The following SEC22C variants were observed in gnomAD, a reference collection of about 807,000 sequenced individuals.
The protein encoded by SEC22C is SEC22 homolog C, vesicle trafficking protein, also known as vesicle-trafficking protein SEC22c.
A neutral mutation model predicts 34.7 loss-of-function variants in SEC22C; 29 were observed. The observed-to-expected ratio is 0.84, with a 90% CI of 0.62 to 1.14. The LOEUF (loss-of-function observed/expected upper bound fraction) is 1.14, where lower values mean the gene tolerates loss of function less well. Ranked by LOEUF, SEC22C falls within the 50% of genes most tolerant of loss-of-function variation. SEC22C has a pLI of 0.00. For synonymous variants in SEC22C, 117 were observed against 132.8 expected (o/e 0.88, Z 0.82); for missense variants, 337 against 369.0 (o/e 0.91, Z 0.71).
At chr3:42,569,679 C>A (rs1179663806) in intron 1 of SEC22C, among the ~76,000 whole-genome samples, 1 of 152,230 alleles carries the variant, frequency 6.6e-6, no homozygotes, top group Non-Finnish European at 1.5e-5. Flanking sequence ...ATGTTTGATA[C>A]AGAGTCAGTC....
rs1702320417 is a variant in SEC22C at position 42,552,995 on chromosome 3, C to G, written c.*253G>C. On this transcript the variant is annotated 3_prime_UTR_variant, in exon 7 of 7. Transcript: ENST00000264454. ...ATAAAGCTCTTTCTGGATGAGCCCC[C>G]AGATCCAGCTGTCCTAGGTAAACGT... 7.7e-7 allele frequency: 1 copy of G among 1,291,478 alleles called. No homozygotes were observed. Among genetic ancestry groups the G allele is most frequent in the African/African-American group, 1.5e-5 (1 of 65,942 alleles). The allele number at this position is 1,291,478 out of a possible 1,614,324, so 80.0% of individuals were successfully genotyped here. A position where few individuals can be genotyped will look rare whatever the true frequency, so the allele number is the denominator to read the frequency against.
chr3:42,583,919 A>G (rs1704520459), upstream of SEC22C, among the ~76,000 whole-genome samples: 1 of 152,244 alleles, frequency 6.6e-6, no homozygotes, highest in East Asian at 1.9e-4. Context: ...GTGGTTCCCC[A>G]GGTTCTCCCG....
rs372697250 is a variant in SEC22C, at chr3:42,592,175, C to T, written c.-28+8785G>A. On this transcript the variant is annotated intron_variant, in intron 1 of 6. Transcript: ENST00000417572. ...TCTGAGTCTCTTTTCCGAATCTAGT[C>T]CAGGTATTACGCCCATTTTTTTCTT... Among the ~76,000 whole-genome samples, 21 of 152,046 alleles carry T rather than the reference C, an allele frequency of 1.4e-4. 1 individual carries two copies. The highest frequency in any genetic ancestry group is 1.2e-3 in the Admixed American group (18 of 15,268).
Position 42,551,233 on chromosome 3 carries a change from C to A in SEC22C, c.*2015G>T. ...TCACCATCTCTTCAAAATTGTCTCC[C>A]AGAAAAACTGAAAATTCACCTGCTG... On this transcript the variant is annotated 3_prime_UTR_variant, in exon 7 of 7. Coordinates refer to ENST00000264454, the MANE Select transcript of SEC22C (RefSeq NM_032970.4). The A allele has an allele frequency of 1.0e-6, 1 of 985,358 alleles. No homozygotes were observed. Among genetic ancestry groups the A allele is most frequent in the Non-Finnish European group, 1.2e-6 (1 of 829,916 alleles). The allele number at this position is 985,358 out of a possible 1,614,324, so 61.0% of individuals were successfully genotyped here. A position where few individuals can be genotyped will look rare whatever the true frequency, so the allele number is the denominator to read the frequency against.
At position 42,549,140 on chromosome 3, in the gene SEC22C, T is replaced by C; in HGVS notation, c.*4108A>G. The C allele has an allele frequency of 1.0e-6, 1 of 991,600 alleles. No homozygotes were observed. Among genetic ancestry groups the C allele is most frequent in the Non-Finnish European group, 1.2e-6 (1 of 833,230 alleles). 61.4% of individuals were successfully genotyped at this position (991,600 alleles called of 1,614,324 possible). ...AGCTACACTCTTTCTCCACCATTATTAACACTCACAGGGCACAGGTAGAGC... is the reference window on the plus strand; with the variant it reads ...AGCTACACTCTTTCTCCACCATTATCAACACTCACAGGGCACAGGTAGAGC... On this transcript the variant is annotated 3_prime_UTR_variant, in exon 7 of 7. Transcript: ENST00000264454.
Position 42,548,011 on chromosome 3 carries a change from CTCATT to C in SEC22C, c.*5232_*5236del, listed in dbSNP as rs1487779493. 6.6e-6 allele frequency: 1 copy of C among 152,266 alleles called. No individual in the cohort carries two copies. Among genetic ancestry groups the C allele is most frequent in the East Asian group, 1.9e-4 (1 of 5,202 alleles). The allele number at this position is 152,266 out of a possible 1,614,324, so 9.4% of individuals were successfully genotyped here. ...TTTATTCTGCCATTTCTGAAGCCAC[CTCATT>C]TAATTTATACATAGGATATAAATGG... On this transcript the variant is annotated 3_prime_UTR_variant, in exon 7 of 7. Coordinates refer to ENST00000264454, the MANE Select transcript of SEC22C (RefSeq NM_032970.4).
chr3:42,548,357 TC>T lies in SEC22C; in HGVS notation c.*4890del, dbSNP rs1702088592. On this transcript the variant is annotated 3_prime_UTR_variant, in exon 7 of 7. Coordinates refer to ENST00000264454, the MANE Select transcript of SEC22C (RefSeq NM_032970.4). Reference sequence around the variant, plus strand: ...ATCATATAAATGTAAGGGTTAAAGGTCATATGTACTAAGCATGGGTCAGAGG... The same window carrying T: ...ATCATATAAATGTAAGGGTTAAAGGTATATGTACTAAGCATGGGTCAGAGG... The T allele has an allele frequency of 1.2e-5, 6 of 516,146 alleles. No individual in the cohort carries two copies. The highest frequency in any genetic ancestry group is 9.3e-5 in the Admixed American group (3 of 32,108). 32.0% of individuals were successfully genotyped at this position (516,146 alleles called of 1,614,324 possible).
chr3:42,595,994 T>A (rs1705016150), intron 1 of SEC22C, among the ~76,000 whole-genome samples: 1 of 152,130 alleles, frequency 6.6e-6, no homozygotes, highest in South Asian at 2.1e-4. Flanking sequence ...TTCTTTTTTC[T>A]TTTTCTTCTT....
chr3:42,562,609 C>T (rs1702990713), intron 3 of SEC22C, among the ~76,000 whole-genome samples: 1 of 152,170 alleles, frequency 6.6e-6, no homozygotes, highest in Non-Finnish European at 1.5e-5. Flanking sequence ...GCTGGTTCTG[C>T]CCCCTGACCA....
intron 1 of SEC22C, chr3:42,600,926 CT>C (rs1024130190): frequency 2.3e-5 from 26 of 1,125,612 alleles, no homozygotes; most frequent in East Asian, 2.2e-4. Context: ...GCCCTCGCCC[CT>C]GCCCTCGCCC....
intron 1 of SEC22C, 24 bp downstream of exon 1, chr3:42,581,822 C>G (rs1279918267): frequency 6.6e-6 from 1 of 152,418 alleles, no homozygotes; most frequent in Non-Finnish European, 1.5e-5. Flanking sequence ...GCCGCGGCAC[C>G]CGCCTCCGCC....
intron 5 of SEC22C, among the ~76,000 whole-genome samples, chr3:42,556,958 T>G (rs558518599): frequency 2.0e-5 from 3 of 152,130 alleles, no homozygotes; most frequent in African/African-American, 7.2e-5. Context: ...CCTGACCTCA[T>G]GTGATCCACC....
chr3:42,552,487 A>T lies in SEC22C; in HGVS notation c.*761T>A, dbSNP rs375092121. On this transcript the variant is annotated 3_prime_UTR_variant, in exon 7 of 7. Coordinates refer to ENST00000264454, the MANE Select transcript of SEC22C (RefSeq NM_032970.4). Reference sequence around the variant, plus strand: ...TTCTGCTCATGCTGACAAACTTATCATCTAGAAGTACTGGTTATTCAATTA... The same window carrying T: ...TTCTGCTCATGCTGACAAACTTATCTTCTAGAAGTACTGGTTATTCAATTA... The T allele has an allele frequency of 5.7e-5, 56 of 983,956 alleles. 1 individual carries two copies. In the African/African-American group the frequency reaches 9.2e-4, roughly 16 times the overall value. The allele number at this position is 983,956 out of a possible 1,614,324, so 61.0% of individuals were successfully genotyped here. A position where few individuals can be genotyped will look rare whatever the true frequency, so the allele number is the denominator to read the frequency against.
intron 1 of SEC22C, among the ~76,000 whole-genome samples, chr3:42,580,109 ATC>A (rs1704226285): frequency 6.6e-6 from 1 of 152,196 alleles, no homozygotes; most frequent in Non-Finnish European, 1.5e-5. Flanking sequence ...GTCATAGATT[ATC>A]TCTGTTCTAT....
At chr3:42,561,331 C>T (rs1025242103) in intron 3 of SEC22C, 35 bp from the exon 4 acceptor site, 1 of 1,593,120 alleles carries the variant, frequency 6.3e-7, no homozygotes, top group African/African-American at 1.3e-5. Context: ...TAAGCATTTT[C>T]ATCAGAATGG....
chr3:42,561,975 T>C (rs1257272180), intron 3 of SEC22C, among the ~76,000 whole-genome samples: 1 of 145,452 alleles, frequency 6.9e-6, no homozygotes, highest in African/African-American at 2.7e-5. Flanking sequence ...GAGACAGTTA[T>C]TCCTGACCTG....
intron 6 of SEC22C, among the ~76,000 whole-genome samples, chr3:42,554,722 A>G (rs896835687): frequency 1.3e-5 from 2 of 152,144 alleles, no homozygotes; most frequent in African/African-American, 2.4e-5. Flanking sequence ...TTTAATTTTA[A>G]AAAAAGGGAG....
Position 42,552,143 on chromosome 3 carries a change from T to G in SEC22C, c.*1105A>C. Reference sequence around the variant, plus strand: ...TTTTGACAGTGAAAGAGAGTAACTTTCCAGAGTATGTGTTAATTATATCTC... The same window carrying G: ...TTTTGACAGTGAAAGAGAGTAACTTGCCAGAGTATGTGTTAATTATATCTC... On this transcript the variant is annotated 3_prime_UTR_variant, in exon 7 of 7. Coordinates refer to ENST00000264454, the MANE Select transcript of SEC22C (RefSeq NM_032970.4). 2 of 985,372 alleles carry G rather than the reference T, an allele frequency of 2.0e-6. No homozygotes were observed. The highest frequency in any genetic ancestry group is 1.2e-6 in the Non-Finnish European group (1 of 829,840). 61.0% of individuals were successfully genotyped at this position (985,372 alleles called of 1,614,324 possible).
chr3:42,589,448 C>T (rs1430549508), intron 1 of SEC22C, among the ~76,000 whole-genome samples: 1 of 152,108 alleles, frequency 6.6e-6, no homozygotes, highest in Non-Finnish European at 1.5e-5. Flanking sequence ...AGATCTCCCT[C>T]CTAAATGAAG....
Sources: gnomAD v4.1 joint callset for allele counts (sites outside exome capture counted in the v4.1 genomes callset) on GRCh38, gnomAD v4.1.1 for gene constraint, MANE v1.5 for transcripts, NCBI Gene and HGNC (gene_info 2026-07-23, HGNC 2026-07-21) for gene names.